EDIL3: variants seen among roughly 807,000 people sequenced by gnomAD.
EDIL3 encodes EGF-like repeat and discoidin I-like domain-containing protein 3.
A neutral mutation model predicts 67.4 loss-of-function variants in EDIL3; 37 were observed. That is an observed-to-expected ratio of 0.55 (90% CI 0.42 to 0.72). EDIL3 has a LOEUF of 0.72. Among genes scored for constraint, EDIL3 ranks in the 30% least tolerant of loss-of-function variants. EDIL3 has a pLI of 0.00. For synonymous variants in EDIL3, 195 were observed against 196.3 expected (o/e 0.99, Z 0.05); for missense variants, 527 against 586.3 (o/e 0.90, Z 1.04).
intron 1 of EDIL3, among the ~76,000 whole-genome samples, chr5:84,348,054 G>A (rs763692096): frequency 6.6e-5 from 10 of 152,272 alleles, no homozygotes; most frequent in South Asian, 4.1e-4. Context: ...AAAAGCAATG[G>A]TGAGGGAGAA....
At chr5:84,050,600 C>A (rs183338414) in intron 9 of EDIL3, among the ~76,000 whole-genome samples, 5 of 152,178 alleles carry the variant, frequency 3.3e-5, no homozygotes, top group Non-Finnish European at 7.3e-5. Flanking sequence ...CTGGAAAATC[C>A]GGTCACTCCC....
At chr5:84,192,792 A>G (rs1216104765) in intron 3 of EDIL3, among the ~76,000 whole-genome samples, 1 of 152,046 alleles carries the variant, frequency 6.6e-6, no homozygotes, top group East Asian at 1.9e-4. Flanking sequence ...TCACATAAAG[A>G]AATGAAATTG....
chr5:84,279,224 A>G (rs570454520), intron 1 of EDIL3, among the ~76,000 whole-genome samples: 1 of 152,334 alleles, frequency 6.6e-6, no homozygotes, highest in African/African-American at 2.4e-5. Flanking sequence ...GGAAGCAGGA[A>G]TAATTCAAAT....
chr5:83,982,615 C>T (rs1259558036), intron 9 of EDIL3, among the ~76,000 whole-genome samples: 2 of 152,080 alleles, frequency 1.3e-5, no homozygotes, highest in African/African-American at 4.8e-5. Flanking sequence ...GTAGAGTTGA[C>T]TTCTTTTTAT....
At chr5:84,170,169 G>A (rs1027832273) in intron 4 of EDIL3, among the ~76,000 whole-genome samples, 17 of 151,832 alleles carry the variant, frequency 1.1e-4, no homozygotes, top group African/African-American at 4.1e-4. Context: ...TGGTTTCTTG[G>A]GAAAGACAGT....
intron 4 of EDIL3, among the ~76,000 whole-genome samples, chr5:84,151,615 T>C (rs965439294): frequency 6.6e-6 from 1 of 152,208 alleles, no homozygotes; most frequent in African/African-American, 2.4e-5. Flanking sequence ...AAAATTAATG[T>C]AACTGGAAAA....
intron 6 of EDIL3, among the ~76,000 whole-genome samples, chr5:84,069,054 C>T (rs1478589938): frequency 2.0e-5 from 3 of 152,150 alleles, no homozygotes; most frequent in East Asian, 1.9e-4. Flanking sequence ...CCTGTATGAA[C>T]TATCCCACAT....
chr5:84,027,227 C>T (rs1277788884), intron 9 of EDIL3, among the ~76,000 whole-genome samples: 2 of 152,188 alleles, frequency 1.3e-5, no homozygotes, highest in African/African-American at 4.8e-5. Context: ...CAGCATGTGT[C>T]GCTTACTATA....
chr5:84,343,109 C>T (rs1001920965), intron 1 of EDIL3, among the ~76,000 whole-genome samples: 1 of 152,000 alleles, frequency 6.6e-6, no homozygotes, highest in African/African-American at 2.4e-5. Flanking sequence ...TTTGTGCCTA[C>T]ATTATATATC....
At chr5:84,265,548 C>T (rs1011662305) in intron 1 of EDIL3, among the ~76,000 whole-genome samples, 1 of 152,152 alleles carries the variant, frequency 6.6e-6, no homozygotes, top group Non-Finnish European at 1.5e-5. Context: ...TTCATACACA[C>T]CTTTTACAAC....
chr5:84,143,910 T>C (rs1344925342), intron 4 of EDIL3, among the ~76,000 whole-genome samples: 1 of 152,058 alleles, frequency 6.6e-6, no homozygotes, highest in Admixed American at 6.6e-5. Context: ...GAACCGGGAA[T>C]ATTAGTAACC....
chr5:84,171,303 G>A (rs985165401), intron 4 of EDIL3, among the ~76,000 whole-genome samples: 3 of 152,124 alleles, frequency 2.0e-5, no homozygotes, highest in Non-Finnish European at 4.4e-5. Context: ...ATACATATCT[G>A]AGTATCACAA....
intron 5 of EDIL3, among the ~76,000 whole-genome samples, chr5:84,118,991 T>C (rs775891192): frequency 1.3e-5 from 2 of 152,128 alleles, no homozygotes; most frequent in Non-Finnish European, 2.9e-5. Context: ...TACAGGTTTG[T>C]TTCATAAGTT....
intron 1 of EDIL3, among the ~76,000 whole-genome samples, chr5:84,371,946 T>G (rs1197290445): frequency 6.6e-6 from 1 of 152,134 alleles, no homozygotes; most frequent in Non-Finnish European, 1.5e-5. Flanking sequence ...GATCTATGGA[T>G]CCCATCACTT....
At chr5:84,377,475 T>G (rs1747992623) in intron 1 of EDIL3, among the ~76,000 whole-genome samples, 1 of 152,198 alleles carries the variant, frequency 6.6e-6, no homozygotes, top group Non-Finnish European at 1.5e-5. Context: ...TTCCTGATTG[T>G]GTCATGAGCC....
intron 3 of EDIL3, among the ~76,000 whole-genome samples, chr5:84,217,733 C>CAG (rs1744258565): frequency 6.7e-6 from 1 of 150,204 alleles, no homozygotes; most frequent in African/African-American, 2.5e-5. Context: ...CACACACACA[C>CAG]ACACACACAC....
chr5:84,226,305 G>A (rs1395436331), intron 3 of EDIL3, among the ~76,000 whole-genome samples: 2 of 151,538 alleles, frequency 1.3e-5, no homozygotes, highest in Non-Finnish European at 3.0e-5. Context: ...GGAGATGAGA[G>A]TGAAAACAGA....
In EDIL3 at chr5:84,274,621, A is replaced by T. The variant is rs1320503720; in HGVS notation, c.68-20409T>A. Among the ~76,000 whole-genome samples the T allele has an allele frequency of 3.3e-5, 5 of 152,328 alleles. No homozygotes were observed. The East Asian group carries it at 9.6e-4, about 29-fold the overall frequency. On this transcript the variant is annotated intron_variant, in intron 1 of 10. Coordinates refer to ENST00000296591, the MANE Select transcript of EDIL3 (RefSeq NM_005711.5). ...CTAATTTCATTTTAGTAAAATGTGGAATAATTTTTTTAATGTTAGTTTTTA... is the reference window on the plus strand; with the variant it reads ...CTAATTTCATTTTAGTAAAATGTGGTATAATTTTTTTAATGTTAGTTTTTA...
intron 10 of EDIL3, among the ~76,000 whole-genome samples, chr5:83,947,691 A>G (rs768904331): frequency 6.6e-6 from 1 of 151,872 alleles, no homozygotes; most frequent in Non-Finnish European, 1.5e-5. Flanking sequence ...ACAGGTATGT[A>G]TTTAGACAGT....
Sources: gnomAD v4.1 joint callset for allele counts (sites outside exome capture counted in the v4.1 genomes callset) on GRCh38, gnomAD v4.1.1 for gene constraint, MANE v1.5 for transcripts, NCBI Gene and HGNC (gene_info 2026-07-23, HGNC 2026-07-21) for gene names.